The following CP variants were observed in gnomAD, a reference collection of about 807,000 sequenced individuals.
CP encodes caeruloplasmin.
A neutral mutation model predicts 122.4 loss-of-function variants in CP; 64 were observed. The ratio of observed to expected loss-of-function variants is 0.52; its 90% CI spans 0.43 to 0.64. The LOEUF is 0.64. Ranked by LOEUF, CP falls within the 30% of genes least tolerant of loss-of-function variation. The pLI is 0.00. For synonymous variants in CP, 440 were observed against 436.4 expected (o/e 1.01, Z -0.10); for missense variants, 1,167 against 1,284.4 (o/e 0.91, Z 1.40).
intron 1 of CP, among the ~76,000 whole-genome samples, chr3:149,215,532 G>GA (rs1728412949): frequency 6.6e-6 from 1 of 152,064 alleles, no homozygotes; most frequent in African/African-American, 2.4e-5. Flanking sequence ...CTTTTATTGT[G>GA]AAAAAAACTG....
At position 149,196,666 on chromosome 3, in the gene CP, A is replaced by G. The variant is rs563352866; in HGVS notation, c.1713+1701T>C. Among the ~76,000 whole-genome samples the G allele has an allele frequency of 4.6e-5, 7 of 152,348 alleles. No individual in the cohort carries two copies. In the South Asian group the frequency reaches 1.2e-3, roughly 27 times the overall value. On this transcript the variant is annotated intron_variant, in intron 9 of 18. Transcript: ENST00000264613. ...CAAAAAGGATACTTTGAACATCAGTAGGAATAATGGCAGTGAATTGTAACA... is the reference window on the plus strand; with the variant it reads ...CAAAAAGGATACTTTGAACATCAGTGGGAATAATGGCAGTGAATTGTAACA...
rs545148506 is a variant in CP, at chr3:149,220,990, A to G, written c.146+657T>C. ...GGGATTTTCCAACTGAAAAATGAAG[A>G]CATTTAAGTTACATGGAGCTTTTTG... On this transcript the variant is annotated intron_variant, in intron 1 of 18. Coordinates refer to ENST00000264613, the MANE Select transcript of CP (RefSeq NM_000096.4). 4.6e-5 allele frequency among the ~76,000 whole-genome samples: 7 copies of G among 152,320 alleles called. 1 individual carries two copies. The South Asian group carries it at 1.4e-3, about 32-fold the overall frequency.
rs1384059907 is a variant in CP at position 149,188,100 on chromosome 3, G to C, written c.1816C>G (p.Gln606Glu). Residue 606 changes from glutamine (Q) to glutamate (E), a missense_variant, in exon 10 of 19, where the codon CAG becomes GAG. Coordinates refer to ENST00000264613, the MANE Select transcript of CP (RefSeq NM_000096.4). ...AAGTCTTCATCTTCCTTATCCACCTGATCAGGTGCAGTTGTAAACATTCTA... is the reference window on the plus strand; with the variant it reads ...AAGTCTTCATCTTCCTTATCCACCTCATCAGGTGCAGTTGTAAACATTCTA... ...NIRMFTTAPD[Q>E]VDKEDEDFQE... 4.3e-6 allele frequency: 7 copies of C among 1,612,290 alleles called. No individual in the cohort carries two copies. Among genetic ancestry groups the C allele is most frequent in the Admixed American group, 1.7e-5 (1 of 60,000 alleles).
rs753776631 is a variant in CP, at chr3:149,207,423, T to C, written c.976A>G (p.Met326Val). ...LFPATLFDAYMVAQNPGEWML... is the reference protein window; with the variant it reads ...LFPATLFDAYVVAQNPGEWML... Reference sequence around the variant, plus strand: ...CATTCTCCAGGGTTCTGGGCCACCATATAAGCATCAAACAGGGTAGCAGGA... The same window carrying C: ...CATTCTCCAGGGTTCTGGGCCACCACATAAGCATCAAACAGGGTAGCAGGA... The change falls in exon 5 of 19, where the codon ATG becomes GTG. Residue 326 changes from methionine (M) to valine (V), a missense_variant. Physicochemically the swap from Met to Val is conservative, Grantham distance 21 (BLOSUM62 1). Coordinates refer to ENST00000264613, the MANE Select transcript of CP (RefSeq NM_000096.4). 7 of 1,613,872 alleles carry C rather than the reference T, an allele frequency of 4.3e-6. No individual in the cohort carries two copies.
At chr3:149,176,053 G>C (rs1361509780) in intron 18 of CP, 197 bp downstream of exon 18, 3 of 590,756 alleles carry the variant, frequency 5.1e-6, no homozygotes, top group Non-Finnish European at 9.1e-6. Context: ...AGTACTGGCT[G>C]TCAGGAAATG....
At position 149,186,572 on chromosome 3, in the gene CP, T is replaced by G; in HGVS notation, c.2025A>C (p.Ala675=). 6.2e-7 allele frequency: 1 copy of G among 1,614,200 alleles called. No homozygotes were observed. The highest frequency in any genetic ancestry group is 1.1e-5 in the South Asian group (1 of 91,078). Reference sequence around the variant, plus strand: ...TAAGACTTGTTTGAGGGAAGAGGTTTGCTGTGTCTCTCCGTTCTCCTCTCC... The same window carrying G: ...TAAGACTTGTTTGAGGGAAGAGGTTGGCTGTGTCTCTCCGTTCTCCTCTCC... ...YLWRGERRDT[A]NLFPQTSLTL... is the part of the protein sequence containing the mutation. Residue 675 remains alanine, a synonymous_variant, in exon 11 of 19, where the codon GCA becomes GCC. Coordinates refer to ENST00000264613, the MANE Select transcript of CP (RefSeq NM_000096.4).
chr3:149,163,745 C>G (rs1341311955), intron 5 of CP: 2 of 724,228 alleles, frequency 2.8e-6, no homozygotes, highest in Non-Finnish European at 4.9e-6. Flanking sequence ...AATTCTATGA[C>G]ATGGCAGAGA....
At position 149,188,155 on chromosome 3, in the gene CP, C is replaced by T. The variant is rs56106481; in HGVS notation, c.1761G>A (p.Glu587=). The change falls in exon 10 of 19, where the codon GAG becomes GAA. Residue 587 remains glutamate, a synonymous_variant. Transcript: ENST00000264613. ...EFYLFPTVFD[E]NESLLLEDNI... ...TATCTTCCAGGAGTAAACTCTCATT[C>T]TCATCAAATACTGTAGGAAACAAAT... The T allele has an allele frequency of 5.0e-6, 8 of 1,612,788 alleles. No homozygotes were observed. The highest frequency in any genetic ancestry group is 3.3e-5 in the South Asian group (3 of 91,058).
Position 149,186,560 on chromosome 3 carries a change from A to T in CP, c.2037T>A (p.Pro679=). 1 of 1,614,180 alleles carries T rather than the reference A, an allele frequency of 6.2e-7. No homozygotes were observed. Among genetic ancestry groups the T allele is most frequent in the Non-Finnish European group, 8.5e-7 (1 of 1,180,022 alleles). ...ACATGTGGAGCGTAAGACTTGTTTG[A>T]GGGAAGAGGTTTGCTGTGTCTCTCC... The part of the protein sequence containing the change: ...GERRDTANLF[P]QTSLTLHMWP... Residue 679 remains proline, a synonymous_variant, in exon 11 of 19, where the codon CCT becomes CCA. Transcript: ENST00000264613.
chr3:149,195,690 C>T (rs986991744), intron 9 of CP, among the ~76,000 whole-genome samples: 1 of 151,966 alleles, frequency 6.6e-6, no homozygotes, highest in Admixed American at 6.6e-5. Context: ...CGGTGAAACC[C>T]GTCTCTACTA....
intron 12 of CP, among the ~76,000 whole-genome samples, chr3:149,184,712 G>T (rs1219228518): frequency 6.6e-6 from 1 of 152,166 alleles, no homozygotes; most frequent in Non-Finnish European, 1.5e-5. Context: ...TTTCCATGAT[G>T]GACATGTTAC....
chr3:149,211,876 A>G (rs2108299864), intron 2 of CP, among the ~76,000 whole-genome samples: 1 of 152,340 alleles, frequency 6.6e-6, no homozygotes, highest in Admixed American at 6.5e-5. Flanking sequence ...GCTCTGGGAA[A>G]GAAGCTCCAG....
chr3:149,206,710 G>C (rs972365546), intron 5 of CP, among the ~76,000 whole-genome samples: 3 of 152,076 alleles, frequency 2.0e-5, no homozygotes, highest in African/African-American at 4.8e-5. Flanking sequence ...TGGAGGAGGA[G>C]GTACAAGGAG....
chr3:149,179,401 A>G (rs1020078463), intron 15 of CP, among the ~76,000 whole-genome samples, 155 bp downstream of exon 15: 2 of 152,194 alleles, frequency 1.3e-5, no homozygotes, highest in African/African-American at 4.8e-5. Flanking sequence ...CTTGTGTGTC[A>G]TAGGTAGCAG....
In CP at chr3:149,173,587, G is replaced by T; in HGVS notation, c.*127C>A. 3.0e-6 allele frequency: 2 copies of T among 663,378 alleles called. No individual in the cohort carries two copies. Among genetic ancestry groups the T allele is most frequent in the Non-Finnish European group, 5.2e-6 (2 of 384,280 alleles). 41.1% of individuals were successfully genotyped at this position (663,378 alleles called of 1,614,324 possible). A position where few individuals can be genotyped will look rare whatever the true frequency, so the allele number is the denominator to read the frequency against. On this transcript the variant is annotated 3_prime_UTR_variant, in exon 19 of 19. Transcript: ENST00000264613. ...TTTTCCCCCACAAATGTACAAAGTT[G>T]TATGCTTCCAGTCTTCTTTTAATGT...
At chr3:149,212,309 TA>T (rs200961218) in intron 2 of CP, 141 bp downstream of exon 2, 303 of 831,848 alleles carry the variant, frequency 3.6e-4, no homozygotes, top group Non-Finnish European at 3.9e-4. Context: ...CAAAAAAAAT[TA>T]AAAAAAAATA....
At chr3:149,217,196 G>A (rs1728517200) in intron 1 of CP, among the ~76,000 whole-genome samples, 4 of 152,074 alleles carry the variant, frequency 2.6e-5, no homozygotes, top group African/African-American at 9.7e-5. Context: ...ACCACGCCCA[G>A]CCCTATTGCT....
At position 149,207,297 on chromosome 3, in the gene CP, T is replaced by C. The variant is rs550284884; in HGVS notation, c.1036+66A>G. On this transcript the variant is annotated intron_variant, in intron 5 of 18. Transcript: ENST00000264613. ...AGATTATTTCAAAGATATTTAGCTTTTAGATTCTGATTCCCAGTAACCACC... is the reference window on the plus strand; with the variant it reads ...AGATTATTTCAAAGATATTTAGCTTCTAGATTCTGATTCCCAGTAACCACC... 373 of 1,602,406 alleles carry C rather than the reference T, an allele frequency of 2.3e-4. 1 individual carries two copies. Among genetic ancestry groups the C allele is most frequent in the Non-Finnish European group, 3.0e-4 (350 of 1,170,142 alleles).
At position 149,181,993 on chromosome 3, in the gene CP, C is replaced by A; in HGVS notation, c.2554+12G>T. 2.2e-6 allele frequency: 2 copies of A among 917,700 alleles called. No individual in the cohort carries two copies. The highest frequency in any genetic ancestry group is 1.3e-5 in the South Asian group (1 of 77,946). 56.8% of individuals were successfully genotyped at this position (917,700 alleles called of 1,614,324 possible). A position where few individuals can be genotyped will look rare whatever the true frequency, so the allele number is the denominator to read the frequency against. Reference sequence around the variant, plus strand: ...TAAAATGCACCACCCCCACCCCCGCCCCCGTGAGTACCTGGTAATGTTGGA... The same window carrying A: ...TAAAATGCACCACCCCCACCCCCGCACCCGTGAGTACCTGGTAATGTTGGA... On this transcript the variant is annotated intron_variant, in intron 14 of 18. Transcript: ENST00000264613.
Sources: allele counts gnomAD v4.1 joint callset (sites outside exome capture counted in the v4.1 genomes callset), GRCh38; gene constraint gnomAD v4.1.1; transcripts MANE v1.5; gene names NCBI Gene and HGNC (gene_info 2026-07-23, HGNC 2026-07-21).